ZNF503: variants seen among roughly 807,000 people sequenced by gnomAD.
ZNF503 encodes zinc finger protein 503.
In ZNF503, 15 loss-of-function variants were observed where a neutral mutation model predicts 34.4. The observed-to-expected ratio is 0.44, with a 90% CI of 0.29 to 0.67. The LOEUF is 0.67. ZNF503 is among the 30% of genes least tolerant of loss of function. ZNF503 has a pLI of 0.13. For synonymous variants in ZNF503, 580 were observed against 456.8 expected, an observed-to-expected ratio of 1.27 and a Z score of -3.44; for missense variants, 1,007 against 926.8, an observed-to-expected ratio of 1.09 and a Z score of -1.12.
chr10:75,282,246 G>T, the ZNF503 span, among the ~76,000 whole-genome samples: 1 of 152,056 alleles, frequency 6.6e-6, no homozygotes, highest in Admixed American at 6.6e-5. Flanking sequence ...ATGGGATCTG[G>T]CCAATCACAG....
rs1843732794 is a variant in ZNF503 at position 75,398,596 on chromosome 10, C to T, written c.*153G>A. 3.2e-6 allele frequency: 2 copies of T among 624,926 alleles called. No homozygotes were observed. The highest frequency in any genetic ancestry group is 4.6e-6 in the Non-Finnish European group (2 of 433,206). The allele number at this position is 624,926 out of a possible 1,614,324, so 38.7% of individuals were successfully genotyped here. Reference sequence around the variant, plus strand: ...CCCACCGGGTCTCGGTCGCTGCTGTCGGGTAGATAGATACGGTATACATTT... The same window carrying T: ...CCCACCGGGTCTCGGTCGCTGCTGTTGGGTAGATAGATACGGTATACATTT... On this transcript the variant is annotated 3_prime_UTR_variant, in exon 2 of 2. Transcript: ENST00000372524.
At position 75,398,221 on chromosome 10, in the gene ZNF503, T is replaced by C. The variant is rs1589132660; in HGVS notation, c.*528A>G. Reference sequence around the variant, plus strand: ...CATTAAATAACGTACAATACAATCATAGCAATTTTAAAGTAACATTAAAGA... The same window carrying C: ...CATTAAATAACGTACAATACAATCACAGCAATTTTAAAGTAACATTAAAGA... On this transcript the variant is annotated 3_prime_UTR_variant, in exon 2 of 2. Transcript: ENST00000372524. 1 of 152,934 alleles carries C rather than the reference T, an allele frequency of 6.5e-6. No homozygotes were observed. The highest frequency in any genetic ancestry group is 3.4e-3 in the Middle Eastern group (1 of 294). 9.5% of individuals were successfully genotyped at this position (152,934 alleles called of 1,614,324 possible).
chr10:75,296,905 A>C, the ZNF503 span, among the ~76,000 whole-genome samples: 1 of 152,240 alleles, frequency 6.6e-6, no homozygotes, highest in East Asian at 1.9e-4. Flanking sequence ...CTAAAAAGCC[A>C]TTTTGACCCC....
At chr10:75,356,028 GC>G in the ZNF503 span, among the ~76,000 whole-genome samples, 2 of 152,130 alleles carry the variant, frequency 1.3e-5, no homozygotes, top group Non-Finnish European at 2.9e-5. Context: ...CAGTATGGCA[GC>G]CAGGTTCCCA....
chr10:75,311,645 G>A, the ZNF503 span, among the ~76,000 whole-genome samples: 19 of 122,940 alleles, frequency 1.5e-4, no homozygotes, highest in South Asian at 5.2e-4. Context: ...CCCATATGCC[G>A]AAACCCTATC....
At chr10:75,324,607 G>A in the ZNF503 span, among the ~76,000 whole-genome samples, 6 of 152,276 alleles carry the variant, frequency 3.9e-5, no homozygotes, top group African/African-American at 7.2e-5. Context: ...GATTGTAGGC[G>A]TGAGCCACTG....
the ZNF503 span, among the ~76,000 whole-genome samples, chr10:75,306,966 T>C: frequency 3.3e-5 from 5 of 152,048 alleles, no homozygotes; most frequent in Non-Finnish European, 2.9e-5. Context: ...TGTGACACAA[T>C]AATATTGAAA....
Position 75,399,964 on chromosome 10 carries a change from C to A in ZNF503, c.726G>T (p.Leu242=). 6.2e-7 allele frequency: 1 copy of A among 1,606,724 alleles called. No individual in the cohort carries two copies. The highest frequency in any genetic ancestry group is 8.5e-7 in the Non-Finnish European group (1 of 1,179,522). The part of the protein sequence containing the change: ...SASACSPGGM[L]SSAGGAPEGK... Reference sequence around the variant, plus strand: ...CCTCCGGGGCACCCCCGGCCGAGGACAGCATACCTCCCGGCGAGCAGGCCG... The same window carrying A: ...CCTCCGGGGCACCCCCGGCCGAGGAAAGCATACCTCCCGGCGAGCAGGCCG... Residue 242 remains leucine, a synonymous_variant, in exon 2 of 2, where the codon CTG becomes CTT. Coordinates refer to ENST00000372524, the MANE Select transcript of ZNF503 (RefSeq NM_032772.6).
chr10:75,396,937 C>A (rs561292139), downstream of ZNF503, among the ~76,000 whole-genome samples: 1 of 152,208 alleles, frequency 6.6e-6, no homozygotes, highest in Non-Finnish European at 1.5e-5. This position sits in a 1 kb window ranked among gnomAD's most constrained non-coding sequence, Gnocchi z 4.4. Context: ...GACAGCGGCC[C>A]GCGCCACAGG....
the ZNF503 span, among the ~76,000 whole-genome samples, chr10:75,385,790 C>G: frequency 6.6e-6 from 1 of 152,056 alleles, no homozygotes; most frequent in Non-Finnish European, 1.5e-5. Context: ...GAAAATACAA[C>G]TGGCAGAATG....
At chr10:75,312,341 A>T in the ZNF503 span, among the ~76,000 whole-genome samples, 1 of 152,234 alleles carries the variant, frequency 6.6e-6, no homozygotes, top group African/African-American at 2.4e-5. Context: ...AGTCAAGTGG[A>T]TGGGATTGAA....
At chr10:75,313,171 A>G in the ZNF503 span, among the ~76,000 whole-genome samples, 1 of 152,166 alleles carries the variant, frequency 6.6e-6, no homozygotes, top group East Asian at 1.9e-4. Context: ...ATTAGAAACC[A>G]TGGAGGTAGA....
At chr10:75,304,878 T>G in the ZNF503 span, among the ~76,000 whole-genome samples, 1 of 152,088 alleles carries the variant, frequency 6.6e-6, no homozygotes, top group African/African-American at 2.4e-5. Context: ...AATACAAAAC[T>G]AGAACTCACA....
rs762265929 is a variant in ZNF503 at position 75,399,586 on chromosome 10, G to A, written c.1104C>T (p.Ala368=). ...GTGGCAGGAACTGGGGCGGGTAGCC[G>A]GCGTAGGCCCCGGCCAGGCTGCCTG... ...TYPGSLAGAY[A]GYPPQFLPHG... Residue 368 remains alanine, a synonymous_variant, in exon 2 of 2, where the codon GCC becomes GCT. Coordinates refer to ENST00000372524, the MANE Select transcript of ZNF503 (RefSeq NM_032772.6). 6.3e-7 allele frequency: 1 copy of A among 1,597,102 alleles called. No individual in the cohort carries two copies. Among genetic ancestry groups the A allele is most frequent in the East Asian group, 2.2e-5 (1 of 44,842 alleles).
At chr10:75,287,777 A>G in the ZNF503 span, among the ~76,000 whole-genome samples, 1 of 152,306 alleles carries the variant, frequency 6.6e-6, no homozygotes, top group Middle Eastern at 3.4e-3. Flanking sequence ...CATGGCTGCC[A>G]AAGCTATGAC....
Position 75,399,029 on chromosome 10 carries a change from C to T in ZNF503, c.1661G>A (p.Gly554Asp). 6.2e-7 allele frequency: 1 copy of T among 1,611,080 alleles called. No homozygotes were observed. The highest frequency in any genetic ancestry group is 8.5e-7 in the Non-Finnish European group (1 of 1,179,662). The change falls in exon 2 of 2, where the codon GGC (glycine) becomes GAC (aspartate). Residue 554 changes from glycine (G) to aspartate (D), a missense_variant. Physicochemically the swap from Gly to Asp is moderately conservative, Grantham distance 94 (BLOSUM62 -1). Transcript: ENST00000372524. ...GGCCAGAGACGACGAGCTGGGGTAG[C>T]CCGACAGCAGTTTGTCTGTCCCGGG... The part of the protein sequence containing the change: ...AFPGTDKLLS[G>D]YPSSSSLASA...
At chr10:75,292,510 G>T in the ZNF503 span, among the ~76,000 whole-genome samples, 1 of 152,196 alleles carries the variant, frequency 6.6e-6, no homozygotes, top group Non-Finnish European at 1.5e-5. Context: ...TAGAAGCTCT[G>T]GGGTCCTAGC....
chr10:75,374,335 A>G, the ZNF503 span, among the ~76,000 whole-genome samples: 4 of 152,094 alleles, frequency 2.6e-5, no homozygotes, highest in East Asian at 1.9e-4. Context: ...AACAAAAAAC[A>G]AAGTAAGTCA....
the ZNF503 span, among the ~76,000 whole-genome samples, chr10:75,381,929 C>G: frequency 6.7e-6 from 1 of 148,236 alleles, no homozygotes; most frequent in African/African-American, 2.5e-5. Context: ...ATCTAAGCCT[C>G]CCGAGTAGCT....
Sources: gnomAD v4.1 joint callset for allele counts (sites outside exome capture counted in the v4.1 genomes callset) on GRCh38, gnomAD v4.1.1 for gene constraint, Gnocchi (gnomAD v3.1) non-coding constraint, MANE v1.5 for transcripts, NCBI Gene and HGNC (gene_info 2026-07-23, HGNC 2026-07-21) for gene names.